The following SLC35E3 variants were observed in gnomAD, a reference collection of about 807,000 sequenced individuals.
SLC35E3 encodes solute carrier family 35 member E3.
SLC35E3 carries 28 observed loss-of-function variants against 30.8 expected under a neutral mutation model. That is an observed-to-expected ratio of 0.91 (90% CI 0.67 to 1.25). The LOEUF is 1.25. Ranked by LOEUF, SLC35E3 falls within the 50% of genes most tolerant of loss-of-function variation. SLC35E3 has a pLI of 0.00. For synonymous variants in SLC35E3, 146 were observed against 149.2 expected, an observed-to-expected ratio of 0.98 and a Z score of 0.16; for missense variants, 365 against 375.4, an observed-to-expected ratio of 0.97 and a Z score of 0.23.
At position 68,747,966 on chromosome 12, in the gene SLC35E3, T is replaced by A; in HGVS notation, c.439T>A (p.Tyr147Asn). ...TTTAGGTGTAATCCTAAATTCTTAT[T>A]ACGATGTGAAGTTTAATTTCCTTGG... ...ITLGVILNSYYDVKFNFLGMV... is the reference protein window; with the variant it reads ...ITLGVILNSYNDVKFNFLGMV... The change falls in exon 2 of 5, where the codon TAC becomes AAC. Residue 147 changes from tyrosine to asparagine, a missense_variant. By Grantham distance (143) the Tyr-to-Asn change is moderately radical. Coordinates refer to ENST00000398004, the MANE Select transcript of SLC35E3 (RefSeq NM_018656.5). The A allele has an allele frequency of 6.2e-7, 1 of 1,607,974 alleles. No individual in the cohort carries two copies. Among genetic ancestry groups the A allele is most frequent in the Non-Finnish European group, 8.5e-7 (1 of 1,174,804 alleles).
intron 3 of SLC35E3, among the ~76,000 whole-genome samples, chr12:68,754,873 C>A (rs1391577178): frequency 6.6e-6 from 1 of 152,130 alleles, no homozygotes; most frequent in South Asian, 2.1e-4. Flanking sequence ...AGGACTAATG[C>A]GTTGGGGACA....
rs1879377817 is a variant in SLC35E3 at position 68,765,626 on chromosome 12, A to ATG, written c.*737_*738insGT. On this transcript the variant is annotated 3_prime_UTR_variant, in exon 5 of 5. Transcript: ENST00000398004. ...TATATATATGTGTGTGTGTGTATAT[A>ATG]TATATATATGTGTGTGTGTGTGTGT... 6 of 124,592 alleles carry ATG rather than the reference A, an allele frequency of 4.8e-5. No individual in the cohort carries two copies. The highest frequency in any genetic ancestry group is 1.8e-4 in the African/African-American group (6 of 33,298). 7.7% of individuals were successfully genotyped at this position (124,592 alleles called of 1,614,324 possible).
rs758743658 is a variant in SLC35E3 at position 68,764,853 on chromosome 12, A to G, written c.905A>G (p.Gln302Arg). ...LAYTHFKLSE[Q>R]EGSRSKLAQR... ...TATACCCACTTTAAGCTCAGTGAAC[A>G]GGAAGGAAGTAGGAGTAAACTGGCA... Residue 302 changes from glutamine to arginine, a missense_variant, in exon 5 of 5, where the codon CAG becomes CGG. Transcript: ENST00000398004. 1.2e-6 allele frequency: 2 copies of G among 1,614,174 alleles called. No homozygotes were observed. Among genetic ancestry groups the G allele is most frequent in the Non-Finnish European group, 1.7e-6 (2 of 1,180,024 alleles).
At chr12:68,761,842 A>G (rs1216956833) in intron 4 of SLC35E3, among the ~76,000 whole-genome samples, 1 of 152,172 alleles carries the variant, frequency 6.6e-6, no homozygotes, top group African/African-American at 2.4e-5. Context: ...AACAAGGCTG[A>G]TTTACATGGT....
chr12:68,762,018 T>G (rs535629831), intron 4 of SLC35E3, among the ~76,000 whole-genome samples: 2 of 152,100 alleles, frequency 1.3e-5, no homozygotes, highest in African/African-American at 4.8e-5. Context: ...TGGAGTGAAG[T>G]GGCGCGATCA....
chr12:68,765,265 A>T lies in SLC35E3; in HGVS notation c.*375A>T, dbSNP rs1879356881. 6.5e-6 allele frequency: 1 copy of T among 152,818 alleles called. No homozygotes were observed. The highest frequency in any genetic ancestry group is 1.4e-5 in the Non-Finnish European group (1 of 69,160). 9.5% of individuals were successfully genotyped at this position (152,818 alleles called of 1,614,324 possible). On this transcript the variant is annotated 3_prime_UTR_variant, in exon 5 of 5. Coordinates refer to ENST00000398004, the MANE Select transcript of SLC35E3 (RefSeq NM_018656.5). ...GAGCGAAACTCCATTTCAAAAAAAA[A>T]AAATTGGTGACAGACTCAATGATGG...
At chr12:68,764,122 A>G (rs575578220) in intron 4 of SLC35E3, among the ~76,000 whole-genome samples, 87 of 152,154 alleles carry the variant, frequency 5.7e-4, no homozygotes, top group Non-Finnish European at 1.1e-3. Context: ...ACCACTGTAA[A>G]ACATAATTAT....
Position 68,778,311 on chromosome 12 carries a change from C to G in SLC35E3, c.*13421C>G, listed in dbSNP as rs557825955. ...AGGAAAATTGAGATTTTAAATACTT[C>G]TAATAGAGGTGATAGAGCAGGCAGC... On this transcript the variant is annotated 3_prime_UTR_variant, in exon 5 of 5. Transcript: ENST00000398004. The G allele has an allele frequency of 3.9e-5, 6 of 152,004 alleles. No individual in the cohort carries two copies. Among genetic ancestry groups the G allele is most frequent in the African/African-American group, 1.4e-4 (6 of 41,430 alleles). The allele number at this position is 152,004 out of a possible 1,614,324, so 9.4% of individuals were successfully genotyped here. A position where few individuals can be genotyped will look rare whatever the true frequency, so the allele number is the denominator to read the frequency against.
In SLC35E3 at chr12:68,746,460, T is replaced by C. The variant is rs1344951122; in HGVS notation, c.83T>C (p.Ile28Thr). The change falls in exon 1 of 5, where the codon ATT becomes ACT. Residue 28 changes from isoleucine to threonine, a missense_variant. Coordinates refer to ENST00000398004, the MANE Select transcript of SLC35E3 (RefSeq NM_018656.5). ...TTCAACCTGCTGGTGTCCATCTGCA[T>C]TGTGTTCCTCAACAAATGGATTTAT... is the stretch of plus-strand genomic sequence containing the variant. ...LLFNLLVSIC[I>T]VFLNKWIYVY... 5.0e-6 allele frequency: 8 copies of C among 1,614,070 alleles called. No homozygotes were observed. The highest frequency in any genetic ancestry group is 6.8e-6 in the Non-Finnish European group (8 of 1,180,008).
Position 68,769,672 on chromosome 12 carries a change from TAAAAG to T in SLC35E3, c.*4786_*4790del, listed in dbSNP as rs1407459216. 2 of 151,392 alleles carry T rather than the reference TAAAAG, an allele frequency of 1.3e-5. No individual in the cohort carries two copies. The highest frequency in any genetic ancestry group is 3.0e-5 in the Non-Finnish European group (2 of 67,616). The allele number at this position is 151,392 out of a possible 1,614,324, so 9.4% of individuals were successfully genotyped here. A position where few individuals can be genotyped will look rare whatever the true frequency, so the allele number is the denominator to read the frequency against. ...AAAACTGTCTCAAATAAATAAATAA[TAAAAG>T]AAAGGAGACCGGATTTATTAGATGT... On this transcript the variant is annotated 3_prime_UTR_variant, in exon 5 of 5. Transcript: ENST00000398004.
chr12:68,746,930 G>A, intron 1 of SLC35E3, 151 bp downstream of exon 1: 1 of 884,052 alleles, frequency 1.1e-6, no homozygotes. Flanking sequence ...CTTATTTTAG[G>A]GAGGGGGAAA....
Position 68,749,282 on chromosome 12 carries a change from G to C in SLC35E3, c.513+1242G>C, listed in dbSNP as rs539196417. ...AATGGACAGTTTCTTATCAGTAAGTGGTAAAGGTACCATTACAAAATAGGT... is the reference window on the plus strand; with the variant it reads ...AATGGACAGTTTCTTATCAGTAAGTCGTAAAGGTACCATTACAAAATAGGT... On this transcript the variant is annotated intron_variant, in intron 2 of 4. Coordinates refer to ENST00000398004, the MANE Select transcript of SLC35E3 (RefSeq NM_018656.5). 1.1e-3 allele frequency among the ~76,000 whole-genome samples: 171 copies of C among 152,128 alleles called. 1 individual carries two copies. Among genetic ancestry groups the C allele is most frequent in the Admixed American group, 1.8e-3 (28 of 15,270 alleles).
intron 2 of SLC35E3, among the ~76,000 whole-genome samples, chr12:68,751,016 A>G (rs941178930): frequency 2.0e-5 from 3 of 152,086 alleles, no homozygotes; most frequent in African/African-American, 7.2e-5. Flanking sequence ...TTTGTGAAGT[A>G]TTTTGTGGAC....
chr12:68,746,459 A>G lies in SLC35E3; in HGVS notation c.82A>G (p.Ile28Val). 1.9e-6 allele frequency: 3 copies of G among 1,614,158 alleles called. No individual in the cohort carries two copies. The highest frequency in any genetic ancestry group is 2.2e-5 in the East Asian group (1 of 44,888). Reference sequence around the variant, plus strand: ...GTTCAACCTGCTGGTGTCCATCTGCATTGTGTTCCTCAACAAATGGATTTA... The same window carrying G: ...GTTCAACCTGCTGGTGTCCATCTGCGTTGTGTTCCTCAACAAATGGATTTA... ...LLFNLLVSIC[I>V]VFLNKWIYVY... is the part of the protein sequence containing the mutation. The change falls in exon 1 of 5, where the codon ATT (isoleucine) becomes GTT (valine). Residue 28 changes from isoleucine to valine, a missense_variant. Physicochemically the swap from Ile to Val is conservative, Grantham distance 29. Coordinates refer to ENST00000398004, the MANE Select transcript of SLC35E3 (RefSeq NM_018656.5).
rs1185797153 is a variant in SLC35E3, at chr12:68,765,673, TACAC to T, written c.*791_*794del. On this transcript the variant is annotated 3_prime_UTR_variant, in exon 5 of 5. Coordinates refer to ENST00000398004, the MANE Select transcript of SLC35E3 (RefSeq NM_018656.5). ...GTGTGTATACATATATACACATATA[TACAC>T]ACACACATACATATACATGTGTATA... 1 of 151,110 alleles carries T rather than the reference TACAC, an allele frequency of 6.6e-6. No homozygotes were observed. The highest frequency in any genetic ancestry group is 1.5e-5 in the Non-Finnish European group (1 of 67,868). The allele number at this position is 151,110 out of a possible 1,614,324, so 9.4% of individuals were successfully genotyped here. A position where few individuals can be genotyped will look rare whatever the true frequency, so the allele number is the denominator to read the frequency against.
chr12:68,768,859 G>A lies in SLC35E3; in HGVS notation c.*3969G>A, dbSNP rs560072603. The A allele has an allele frequency of 2.6e-5, 4 of 152,310 alleles. No homozygotes were observed. The highest frequency in any genetic ancestry group is 4.1e-4 in the South Asian group (2 of 4,828). 9.4% of individuals were successfully genotyped at this position (152,310 alleles called of 1,614,324 possible). A position where few individuals can be genotyped will look rare whatever the true frequency, so the allele number is the denominator to read the frequency against. ...GAGAAATCTATCTCTGTGAAATGAA[G>A]TAAGCATTCTTCTGTTTCACTTTTT... On this transcript the variant is annotated 3_prime_UTR_variant, in exon 5 of 5. Coordinates refer to ENST00000398004, the MANE Select transcript of SLC35E3 (RefSeq NM_018656.5).
At chr12:68,755,496 G>C (rs1878966273) in intron 3 of SLC35E3, among the ~76,000 whole-genome samples, 1 of 152,046 alleles carries the variant, frequency 6.6e-6, no homozygotes, top group Admixed American at 6.6e-5. Context: ...AATACTATTT[G>C]TATTAGTCCA....
Position 68,757,261 on chromosome 12 carries a change from G to A in SLC35E3, c.673-1896G>A, listed in dbSNP as rs114182989. 2.9e-3 allele frequency among the ~76,000 whole-genome samples: 436 copies of A among 152,246 alleles called. 3 individuals carry two copies. Among genetic ancestry groups the A allele is most frequent in the African/African-American group, 8.5e-3 (352 of 41,538 alleles). ...CCCACTCTTACCACTCCTCTTCAAC[G>A]TGGAACTAGCTTCTTTATATTCTTC... is the stretch of plus-strand genomic sequence containing the variant. On this transcript the variant is annotated intron_variant, in intron 3 of 4. Transcript: ENST00000398004.
At position 68,777,991 on chromosome 12, in the gene SLC35E3, G is replaced by A. The variant is rs559925591; in HGVS notation, c.*13101G>A. 1.3e-5 allele frequency: 2 copies of A among 152,248 alleles called. No individual in the cohort carries two copies. Among genetic ancestry groups the A allele is most frequent in the East Asian group, 3.9e-4 (2 of 5,176 alleles). The allele number at this position is 152,248 out of a possible 1,614,324, so 9.4% of individuals were successfully genotyped here. On this transcript the variant is annotated 3_prime_UTR_variant, in exon 5 of 5. Transcript: ENST00000398004. ...AAATTAGCCAGGTATGGTGGTATGTGCCTGTGATCCCAGCTACTCGGGAGG... is the reference window on the plus strand; with the variant it reads ...AAATTAGCCAGGTATGGTGGTATGTACCTGTGATCCCAGCTACTCGGGAGG...
Sources: gnomAD v4.1 joint callset for allele counts (sites outside exome capture counted in the v4.1 genomes callset) on GRCh38, gnomAD v4.1.1 for gene constraint, MANE v1.5 for transcripts, NCBI Gene and HGNC (gene_info 2026-07-23, HGNC 2026-07-21) for gene names.